Variants in IKZF2 observed in about 807,000 individuals in gnomAD.
The protein encoded by IKZF2 is IKAROS family zinc finger 2, also known as zinc finger protein Helios.
In IKZF2, 15 loss-of-function variants were observed where a neutral mutation model predicts 49.2. That is an observed-to-expected ratio of 0.30 (90% confidence interval 0.20 to 0.47). The LOEUF is 0.47. Ranked by LOEUF, IKZF2 falls within the 20% of genes least tolerant of loss-of-function variation. IKZF2 has a pLI of 1.00. For missense variants in IKZF2, 567 were observed against 664.6 expected (o/e 0.85, Z 1.61); for synonymous variants, 227 against 221.4 (o/e 1.03, Z -0.23).
At chr2:213,017,004 T>A (rs747161956) in intron 7 of IKZF2, 1 of 151,938 alleles carries the variant, frequency 6.6e-6, no homozygotes, top group African/African-American at 2.4e-5. Flanking sequence ...AAACAACAGA[T>A]GTCTTCTATA....
At chr2:213,034,494 TA>T (rs1698798138) in intron 6 of IKZF2, among the ~76,000 whole-genome samples, 1 of 152,154 alleles carries the variant, frequency 6.6e-6, no homozygotes, top group Non-Finnish European at 1.5e-5. Context: ...GTACAGTTAT[TA>T]AGTGGCCTAA....
chr2:213,025,074 C>T (rs1470506687), intron 6 of IKZF2, among the ~76,000 whole-genome samples: 1 of 152,070 alleles, frequency 6.6e-6, no homozygotes, highest in Non-Finnish European at 1.5e-5. Context: ...CTCTGAATCA[C>T]TAAATCCATA....
At chr2:213,010,251 TAGAA>T (rs986307539) in intron 8 of IKZF2, among the ~76,000 whole-genome samples, 7 of 152,070 alleles carry the variant, frequency 4.6e-5, no homozygotes, top group Admixed American at 3.3e-4. Flanking sequence ...CATCAGTTGA[TAGAA>T]AGCAACTTCT....
intron 4 of IKZF2, among the ~76,000 whole-genome samples, chr2:213,143,671 G>C (rs1444295593): frequency 6.6e-6 from 1 of 151,868 alleles, no homozygotes; most frequent in Non-Finnish European, 1.5e-5. Context: ...TGTTATATTA[G>C]GGTGTGTCCT....
intron 4 of IKZF2, among the ~76,000 whole-genome samples, chr2:213,062,780 T>G (rs544756422): frequency 1.3e-5 from 2 of 152,112 alleles, no homozygotes; most frequent in East Asian, 3.9e-4. Flanking sequence ...AATAATTTAT[T>G]GAAGTTGCTT....
intron 4 of IKZF2, among the ~76,000 whole-genome samples, chr2:213,086,437 T>G (rs1574791455): frequency 6.6e-6 from 1 of 152,166 alleles, no homozygotes; most frequent in African/African-American, 2.4e-5. Flanking sequence ...AAAAACAGAC[T>G]AAAATAAGCT....
chr2:213,059,411 T>C (rs1170001692), intron 4 of IKZF2, among the ~76,000 whole-genome samples: 1 of 151,718 alleles, frequency 6.6e-6, no homozygotes, highest in African/African-American at 2.4e-5. Context: ...CAACAGGTTT[T>C]TCCATAATCT....
At chr2:213,104,428 T>C (rs1010510647) in intron 4 of IKZF2, among the ~76,000 whole-genome samples, 1 of 152,154 alleles carries the variant, frequency 6.6e-6, no homozygotes, top group Non-Finnish European at 1.5e-5. Flanking sequence ...AAAGTATCAT[T>C]TTACTGAGTG....
intron 5 of IKZF2, among the ~76,000 whole-genome samples, chr2:213,055,139 AGACT>A (rs1181576704): frequency 5.9e-5 from 9 of 152,206 alleles, no homozygotes; most frequent in South Asian, 2.1e-4. Flanking sequence ...AAAAGCCATT[AGACT>A]GACTGTGTTT....
intron 4 of IKZF2, among the ~76,000 whole-genome samples, chr2:213,145,827 C>A (rs2061038121): frequency 6.8e-6 from 1 of 147,420 alleles, no homozygotes; most frequent in Non-Finnish European, 1.5e-5. Context: ...CATGGAATTG[C>A]CACAGGCTAG....
intron 4 of IKZF2, among the ~76,000 whole-genome samples, chr2:213,112,843 T>C (rs748689436): frequency 2.6e-5 from 4 of 152,190 alleles, no homozygotes; most frequent in Admixed American, 1.3e-4. Flanking sequence ...GTTTTTCATC[T>C]ATAACAGCGG....
At chr2:213,102,331 G>T (rs1359984092) in intron 4 of IKZF2, among the ~76,000 whole-genome samples, 1 of 152,052 alleles carries the variant, frequency 6.6e-6, no homozygotes, top group Admixed American at 6.6e-5. Context: ...ATAAGCTCTT[G>T]AAATAGAAAA....
rs139659703 is a variant in IKZF2, at chr2:213,116,917, A to C, written c.139+30791T>G. On this transcript the variant is annotated intron_variant, in intron 4 of 8. Coordinates refer to ENST00000434687, the MANE Select transcript of IKZF2 (RefSeq NM_001387220.1). ...ATATATCATTAAAATATAATTTATA[A>C]AAATCACAATTTTCACATCCAATAA... Among the ~76,000 whole-genome samples, 50 of 152,280 alleles carry C rather than the reference A, an allele frequency of 3.3e-4. No homozygotes were observed. In the East Asian group the frequency reaches 3.7e-3, roughly 11 times the overall value.
At chr2:213,132,269 C>G (rs143187359) in intron 4 of IKZF2, among the ~76,000 whole-genome samples, 327 of 150,552 alleles carry the variant, frequency 2.2e-3, no homozygotes, top group Non-Finnish European at 3.7e-3. Flanking sequence ...ATAAGATGTA[C>G]TCAAGAAATT....
At chr2:213,094,563 C>T (rs535796029) in intron 4 of IKZF2, among the ~76,000 whole-genome samples, 2 of 152,176 alleles carry the variant, frequency 1.3e-5, no homozygotes, top group Middle Eastern at 3.4e-3. Flanking sequence ...GGCTGAGATG[C>T]GCAGGCTGGG....
chr2:213,050,478 A>G (rs1038749654), intron 5 of IKZF2, among the ~76,000 whole-genome samples: 7 of 152,180 alleles, frequency 4.6e-5, no homozygotes, highest in Non-Finnish European at 1.0e-4. Context: ...AGGGGCAACT[A>G]AAAGGTACAG....
In IKZF2 at chr2:213,044,960, T is replaced by G. The variant is rs73989368; in HGVS notation, c.574+4753A>C. Among the ~76,000 whole-genome samples the G allele has an allele frequency of 1.6e-3, 243 of 152,290 alleles. 1 individual carries two copies. The highest frequency in any genetic ancestry group is 5.2e-3 in the African/African-American group (218 of 41,558). ...CCCCCTCAACAACTTCATTGAGGTA[T>G]AGTTAATATACATAAAACTGTAGTA... On this transcript the variant is annotated intron_variant, in intron 6 of 8. Coordinates refer to ENST00000434687, the MANE Select transcript of IKZF2 (RefSeq NM_001387220.1).
chr2:213,127,918 C>T (rs1291876524), intron 4 of IKZF2, among the ~76,000 whole-genome samples: 2 of 152,150 alleles, frequency 1.3e-5, no homozygotes, highest in Middle Eastern at 3.4e-3. Context: ...TCCTAAGAGG[C>T]TATTAAATTA....
intron 4 of IKZF2, among the ~76,000 whole-genome samples, chr2:213,110,490 T>C (rs80125109): frequency 0.017 from 2,548 of 152,036 alleles, 31 homozygotes; most frequent in Middle Eastern, 0.024. Flanking sequence ...CTTTCCATAT[T>C]CATGATTCTT....
Sources: allele counts gnomAD v4.1 joint callset (sites outside exome capture counted in the v4.1 genomes callset), GRCh38; gene constraint gnomAD v4.1.1; transcripts MANE v1.5; gene names NCBI Gene and HGNC (gene_info 2026-07-23, HGNC 2026-07-21).